Variants in HOXC6 observed in about 807,000 individuals in gnomAD.
HOXC6 encodes the protein homeobox protein Hox-C6.
In HOXC6, 10 loss-of-function variants were observed where a neutral mutation model predicts 24.0. The ratio of observed to expected loss-of-function variants is 0.42; its 90% CI spans 0.26 to 0.71. HOXC6 has a LOEUF of 0.71. Ranked by LOEUF, HOXC6 falls within the 30% of genes least tolerant of loss-of-function variation. The pLI is 0.28. For synonymous variants in HOXC6, 123 were observed against 128.1 expected, an observed-to-expected ratio of 0.96 and a Z score of 0.27; for missense variants, 258 against 303.4, an observed-to-expected ratio of 0.85 and a Z score of 1.11.
upstream of HOXC6, among the ~76,000 whole-genome samples, chr12:54,026,966 G>T (rs11615193): frequency 0.22 from 13,682 of 61,232 alleles, 784 homozygotes; most frequent in East Asian, 0.33. Flanking sequence ...AAAAATGGTG[G>T]GGGGGGGGGG....
intron 1 of HOXC6, 99 bp downstream of exon 1, chr12:54,029,020 A>C: frequency 8.5e-7 from 1 of 1,173,402 alleles, no homozygotes; most frequent in Non-Finnish European, 1.2e-6. Context: ...TTATGGCCCC[A>C]TAAAAACAAT....
chr12:54,028,505 C>A lies in HOXC6; in HGVS notation c.-17C>A. On this transcript the variant is annotated 5_prime_UTR_variant, in exon 1 of 2. Coordinates refer to ENST00000243108, the MANE Select transcript of HOXC6 (RefSeq NM_004503.4). ...AATATTAAAGAAATCATAGACCGAC[C>A]AGGTAAAGGCAAAGGGATGAATTCC... The A allele has an allele frequency of 6.2e-7, 1 of 1,608,856 alleles. No individual in the cohort carries two copies. The highest frequency in any genetic ancestry group is 8.5e-7 in the Non-Finnish European group (1 of 1,177,174).
Position 54,029,900 on chromosome 12 carries a change from G to A in HOXC6, c.646G>A (p.Asp216Asn), listed in dbSNP as rs759954812. 4.3e-6 allele frequency: 7 copies of A among 1,609,850 alleles called. No individual in the cohort carries two copies. Among genetic ancestry groups the A allele is most frequent in the South Asian group, 2.2e-5 (2 of 90,946 alleles). ...LSGGGGGATA[D>N]SLGGKEEKRE... ...GGGGGGCGGCGGAGGGGCCACCGCC[G>A]ACAGCCTGGGCGGAAAAGAGGAAAA... The change falls in exon 2 of 2, where the codon GAC becomes AAC. Residue 216 changes from aspartate to asparagine, a missense_variant. By Grantham distance (23) the Asp-to-Asn change is conservative. Coordinates refer to ENST00000243108, the MANE Select transcript of HOXC6 (RefSeq NM_004503.4).
intron 1 of HOXC6, 140 bp from the exon 2 acceptor site, chr12:54,029,515 G>A (rs1940899076): frequency 3.6e-6 from 3 of 841,200 alleles, no homozygotes; most frequent in Non-Finnish European, 5.5e-6. Context: ...GTGGGGCAAG[G>A]CAAAAGGGAG....
Position 54,028,572 on chromosome 12 carries a change from C to T in HOXC6, c.51C>T (p.Gly17=). 1 of 1,614,124 alleles carries T rather than the reference C, an allele frequency of 6.2e-7. No homozygotes were observed. The highest frequency in any genetic ancestry group is 8.5e-7 in the Non-Finnish European group (1 of 1,179,992). The change falls in exon 1 of 2, where the codon GGC becomes GGT. Residue 17 remains glycine (G), a synonymous_variant. Transcript: ENST00000243108. ...CCTTATCCTGCCACCTCGCCGGGGG[C>T]CAGGACGTCCTCCCCAACGTCGCCC... ...NPSLSCHLAG[G]QDVLPNVALN...
At position 54,020,595 on chromosome 12, in the gene HOXC6, A is replaced by T. The variant is rs191426338; in HGVS notation, c.-193+3181A>T. On this transcript the variant is annotated intron_variant, in intron 1 of 2. Transcript: ENST00000394331. ...CTCAGGCTTATGCATGAATATATAC[A>T]GACTCATATTTCCTTGGTGGTTAAT... 3 of 152,350 alleles carry T rather than the reference A, an allele frequency of 2.0e-5. 1 individual carries two copies. The highest frequency in any genetic ancestry group is 2.0e-4 in the Admixed American group (3 of 15,306). The allele number at this position is 152,350 out of a possible 1,614,324, so 9.4% of individuals were successfully genotyped here. A position where few individuals can be genotyped will look rare whatever the true frequency, so the allele number is the denominator to read the frequency against.
At chr12:54,023,901 G>A (rs1032125361), upstream of HOXC6, among the ~76,000 whole-genome samples, 3 of 152,154 alleles carry the variant, frequency 2.0e-5, no homozygotes, top group Non-Finnish European at 4.4e-5. Flanking sequence ...CCTGCATTCA[G>A]GTTCTCTGGC....
In HOXC6 at chr12:54,030,094, C is replaced by A; in HGVS notation, c.*132C>A. On this transcript the variant is annotated 3_prime_UTR_variant, in exon 2 of 2. Coordinates refer to ENST00000243108, the MANE Select transcript of HOXC6 (RefSeq NM_004503.4). ...ATTCCCTAAAACAAAATTAGGGAGT[C>A]AAACGTGGACCTGAAAGTCAGCTCT... 1 of 910,844 alleles carries A rather than the reference C, an allele frequency of 1.1e-6. No individual in the cohort carries two copies. The highest frequency in any genetic ancestry group is 1.6e-6 in the Non-Finnish European group (1 of 620,480). The allele number at this position is 910,844 out of a possible 1,614,324, so 56.4% of individuals were successfully genotyped here. A position where few individuals can be genotyped will look rare whatever the true frequency, so the allele number is the denominator to read the frequency against.
At chr12:54,017,045 G>A (rs944696216) in exon 1 of HOXC6, 11 of 152,046 alleles carry the variant, frequency 7.2e-5, no homozygotes, top group African/African-American at 2.7e-4. Flanking sequence ...CGAAGCTGGG[G>A]GCAGCTGGGG....
chr12:54,024,591 C>T (rs1393934296), upstream of HOXC6, among the ~76,000 whole-genome samples: 2 of 152,170 alleles, frequency 1.3e-5, no homozygotes, highest in African/African-American at 4.8e-5. Context: ...TAATATATTT[C>T]CCAGAGCTGA....
At chr12:54,028,967 C>T in intron 1 of HOXC6, 46 bp downstream of exon 1, 1 of 1,532,274 alleles carries the variant, frequency 6.5e-7, no homozygotes, top group Non-Finnish European at 8.8e-7. Context: ...ACTGAACTGG[C>T]TTTATGACCG....
rs1213353959 is a variant in HOXC6, at chr12:54,028,904, G to A, written c.383G>A (p.Arg128Gln). The change falls in exon 1 of 2, where the codon CGA becomes CAA. Residue 128 changes from arginine to glutamine, a missense_variant. Physicochemically the swap from Arg to Gln is conservative, Grantham distance 43. Transcript: ENST00000243108. ...ATCCAGATTTACCCCTGGATGCAGC[G>A]AATGAATTCGCACAGTGGTGAGTTT... is the stretch of plus-strand genomic sequence containing the variant. The part of the protein sequence containing the change: ...ASIQIYPWMQ[R>Q]MNSHSGVGYG... The A allele has an allele frequency of 1.9e-6, 3 of 1,610,596 alleles. No individual in the cohort carries two copies. Among genetic ancestry groups the A allele is most frequent in the Non-Finnish European group, 2.5e-6 (3 of 1,179,674 alleles).
intron 1 of HOXC6, chr12:54,020,985 C>T (rs1389534887): frequency 1.3e-5 from 2 of 152,242 alleles, no homozygotes; most frequent in Admixed American, 6.5e-5. Context: ...TTTTCACGGG[C>T]ATGGTGGGGC....
chr12:54,029,020 A>G, intron 1 of HOXC6, 99 bp downstream of exon 1: 1 of 1,173,402 alleles, frequency 8.5e-7, no homozygotes, highest in Non-Finnish European at 1.2e-6. Context: ...TTATGGCCCC[A>G]TAAAAACAAT....
upstream of HOXC6, among the ~76,000 whole-genome samples, chr12:54,024,505 C>T (rs573452471): frequency 1.4e-3 from 211 of 152,300 alleles, no homozygotes; most frequent in African/African-American, 4.8e-3. Context: ...CTAAGGAGGA[C>T]CTCTGGAAAA....
Position 54,030,198 on chromosome 12 carries a change from T to A in HOXC6, c.*236T>A. ...GCTCCCTTGCTAGCTCGTTCTCGGC[T>A]TGTCTACAGGCCCTTTTCCCCGTCC... On this transcript the variant is annotated 3_prime_UTR_variant, in exon 2 of 2. Coordinates refer to ENST00000243108, the MANE Select transcript of HOXC6 (RefSeq NM_004503.4). The A allele has an allele frequency of 2.2e-6, 1 of 452,914 alleles. No homozygotes were observed. Among genetic ancestry groups the A allele is most frequent in the Non-Finnish European group, 3.9e-6 (1 of 253,932 alleles). The allele number at this position is 452,914 out of a possible 1,614,324, so 28.1% of individuals were successfully genotyped here.
rs1331830017 is a variant in HOXC6 at position 54,029,769 on chromosome 12, T to C, written c.515T>C (p.Ile172Thr). The part of the protein sequence containing the change: ...FNRYLTRRRR[I>T]EIANALCLTE... ...CGCTACCTAACGCGGCGCCGGCGCATCGAGATCGCCAACGCGCTTTGCCTG... is the reference window on the plus strand; with the variant it reads ...CGCTACCTAACGCGGCGCCGGCGCACCGAGATCGCCAACGCGCTTTGCCTG... The change falls in exon 2 of 2, where the codon ATC (isoleucine) becomes ACC (threonine). Residue 172 changes from isoleucine (I) to threonine (T), a missense_variant. By Grantham distance (89) the Ile-to-Thr change is moderately conservative. Coordinates refer to ENST00000243108, the MANE Select transcript of HOXC6 (RefSeq NM_004503.4). 3 of 1,614,022 alleles carry C rather than the reference T, an allele frequency of 1.9e-6. No homozygotes were observed. In the South Asian group the frequency reaches 3.3e-5, roughly 18 times the overall value.
chr12:54,024,363 G>A (rs1940591378), upstream of HOXC6, among the ~76,000 whole-genome samples: 2 of 152,164 alleles, frequency 1.3e-5, no homozygotes, highest in Admixed American at 1.3e-4. Context: ...AGCCTCAGGA[G>A]GCACCGAGCT....
At position 54,029,894 on chromosome 12, in the gene HOXC6, A is replaced by AG. The variant is rs1940916087; in HGVS notation, c.640_641insG (p.Thr214SerfsTer59). 1 of 1,608,760 alleles carries AG rather than the reference A, an allele frequency of 6.2e-7. No homozygotes were observed. Among genetic ancestry groups the AG allele is most frequent in the African/African-American group, 1.3e-5 (1 of 74,096 alleles). On this transcript the variant is annotated frameshift_variant, in exon 2 of 2. Coordinates refer to ENST00000243108, the MANE Select transcript of HOXC6 (RefSeq NM_004503.4). LOFTEE classifies it high-confidence loss of function. ...TCTCTCGGGGGGCGGCGGAGGGGCC[A>AG]CCGCCGACAGCCTGGGCGGAAAAGA... is the stretch of plus-strand genomic sequence containing the variant.
Sources: gnomAD v4.1 joint callset for allele counts (sites outside exome capture counted in the v4.1 genomes callset) on GRCh38, gnomAD v4.1.1 for gene constraint, MANE v1.5 for transcripts, NCBI Gene and HGNC (gene_info 2026-07-23, HGNC 2026-07-21) for gene names.